The following CDH12 variants were observed in gnomAD, a reference collection of about 807,000 sequenced individuals.
CDH12 encodes the protein cadherin 12, also known as cadherin-12.
A neutral mutation model predicts 74.1 loss-of-function variants in CDH12; 41 were observed. That is an observed-to-expected ratio of 0.55 (90% CI 0.43 to 0.72). The LOEUF (loss-of-function observed/expected upper bound fraction) is 0.72. Ranked by LOEUF, CDH12 falls within the 30% of genes least tolerant of loss-of-function variation. The pLI is 0.00. For synonymous variants in CDH12, 399 were observed against 355.0 expected, an observed-to-expected ratio of 1.12 and a Z score of -1.39; for missense variants, 945 against 977.2, an observed-to-expected ratio of 0.97 and a Z score of 0.44.
At chr5:22,569,591 C>A (rs1033528294) in intron 1 of CDH12, among the ~76,000 whole-genome samples, 3 of 152,214 alleles carry the variant, frequency 2.0e-5, no homozygotes, top group Non-Finnish European at 4.4e-5. Flanking sequence ...AGGACATATT[C>A]TAAATCCTTT....
chr5:22,526,579 G>C (rs1045028358), intron 1 of CDH12, among the ~76,000 whole-genome samples: 85 of 152,248 alleles, frequency 5.6e-4, no homozygotes, highest in African/African-American at 1.9e-3. Flanking sequence ...AAACACATCT[G>C]GTGCGGCAGC....
intron 4 of CDH12, among the ~76,000 whole-genome samples, chr5:22,173,281 T>C (rs1749140954): frequency 6.8e-6 from 1 of 146,880 alleles, no homozygotes; most frequent in African/African-American, 2.5e-5. Flanking sequence ...TATAATTATA[T>C]AATTTATGTA....
intron 1 of CDH12, among the ~76,000 whole-genome samples, chr5:22,849,971 T>C (rs1014216199): frequency 3.3e-5 from 5 of 152,076 alleles, no homozygotes; most frequent in African/African-American, 1.2e-4. Context: ...ATAAGACTGG[T>C]AAACATATGC....
intron 3 of CDH12, among the ~76,000 whole-genome samples, chr5:22,222,641 C>A (rs1752058968): frequency 6.6e-6 from 1 of 151,624 alleles, no homozygotes; most frequent in South Asian, 2.1e-4. Flanking sequence ...CATTTCTTGA[C>A]AAAATTAATA....
intron 1 of CDH12, among the ~76,000 whole-genome samples, chr5:22,698,685 A>G (rs1580899510): frequency 1.8e-4 from 1 of 5,654 alleles, no homozygotes; most frequent in East Asian, 7.2e-3. Flanking sequence ...AGATATATAT[A>G]TATATATATA....
chr5:22,213,692 G>A (rs1256857223), intron 3 of CDH12: 1 of 151,940 alleles, frequency 6.6e-6, no homozygotes, highest in Admixed American at 6.6e-5. Flanking sequence ...GCCCCAAATG[G>A]TTAATTTTTG....
At chr5:22,692,075 C>T (rs1742112966) in intron 1 of CDH12, among the ~76,000 whole-genome samples, 1 of 152,050 alleles carries the variant, frequency 6.6e-6, no homozygotes, top group African/African-American at 2.4e-5. Flanking sequence ...GTCATGGGGT[C>T]GAATCTCTCA....
chr5:21,815,040 T>C (rs1259382324), intron 9 of CDH12, among the ~76,000 whole-genome samples: 1 of 152,072 alleles, frequency 6.6e-6, no homozygotes, highest in Non-Finnish European at 1.5e-5. Context: ...ATCATGTGGG[T>C]TAAATTAATT....
Position 22,023,582 on chromosome 5 carries a change from T to G in CDH12, c.232-48197A>C, listed in dbSNP as rs575436713. Among the ~76,000 whole-genome samples, 6 of 150,732 alleles carry G rather than the reference T, an allele frequency of 4.0e-5. No homozygotes were observed. In the South Asian group the frequency reaches 1.0e-3, roughly 26 times the overall value. ...TACACACGAATATTCTCTCTCTCTA[T>G]ATATATATATACACACACACAAATT... On this transcript the variant is annotated intron_variant, in intron 5 of 14. Transcript: ENST00000382254.
At chr5:22,751,879 C>T (rs1745594149) in intron 1 of CDH12, among the ~76,000 whole-genome samples, 1 of 152,106 alleles carries the variant, frequency 6.6e-6, no homozygotes, top group South Asian at 2.1e-4. Context: ...CATTATATAA[C>T]CACTGTTTGA....
intron 1 of CDH12, among the ~76,000 whole-genome samples, chr5:22,514,185 T>G (rs1736718545): frequency 6.6e-6 from 1 of 151,994 alleles, no homozygotes; most frequent in Non-Finnish European, 1.5e-5. Flanking sequence ...TATGTCTGCC[T>G]GAAGTCGGTC....
At chr5:22,395,318 T>C (rs1444181126) in intron 3 of CDH12, among the ~76,000 whole-genome samples, 1 of 152,088 alleles carries the variant, frequency 6.6e-6, no homozygotes, top group Non-Finnish European at 1.5e-5. Context: ...CACCAGAAGC[T>C]ACAATAGGCA....
At chr5:22,148,134 T>A (rs1041485865) in intron 4 of CDH12, among the ~76,000 whole-genome samples, 2 of 152,192 alleles carry the variant, frequency 1.3e-5, no homozygotes, top group Admixed American at 6.6e-5. Flanking sequence ...ATCTATTAAG[T>A]ACTTAAAGAC....
intron 3 of CDH12, among the ~76,000 whole-genome samples, chr5:22,315,069 T>C (rs1158436481): frequency 8.5e-6 from 1 of 117,680 alleles, no homozygotes; most frequent in Non-Finnish European, 1.7e-5. Context: ...TTCTCCTGCC[T>C]CCTGCCTCAG....
intron 2 of CDH12, among the ~76,000 whole-genome samples, chr5:22,408,754 GA>G (rs138484708): frequency 6.6e-6 from 1 of 151,098 alleles, no homozygotes; most frequent in African/African-American, 2.4e-5. Flanking sequence ...AAAACACCTG[GA>G]AAAAAATAGA....
intron 2 of CDH12, among the ~76,000 whole-genome samples, chr5:22,461,112 C>T (rs1444535778): frequency 2.1e-5 from 3 of 141,156 alleles, no homozygotes; most frequent in African/African-American, 8.0e-5. Flanking sequence ...CGGCTCACTG[C>T]AACCTCCCGG....
intron 5 of CDH12, among the ~76,000 whole-genome samples, chr5:22,046,135 T>A (rs1410749653): frequency 6.6e-6 from 1 of 152,188 alleles, no homozygotes; most frequent in Non-Finnish European, 1.5e-5. Context: ...CGTTTACTTG[T>A]TCAAGTAGTG....
chr5:22,819,901 C>G (rs552147667), intron 1 of CDH12, among the ~76,000 whole-genome samples: 2 of 146,258 alleles, frequency 1.4e-5, no homozygotes, highest in South Asian at 4.3e-4. Context: ...TATAAGATAT[C>G]TAGATATTTA....
chr5:22,433,677 A>T (rs1744264263), intron 2 of CDH12, among the ~76,000 whole-genome samples: 1 of 152,164 alleles, frequency 6.6e-6, no homozygotes, highest in African/African-American at 2.4e-5. Context: ...GGTAATCTTT[A>T]TTCTATAAGC....
Sources: allele counts gnomAD v4.1 joint callset (sites outside exome capture counted in the v4.1 genomes callset), GRCh38; gene constraint gnomAD v4.1.1; transcripts MANE v1.5; gene names NCBI Gene and HGNC (gene_info 2026-07-23, HGNC 2026-07-21).